The following TMSB15A variants were observed in gnomAD, a reference collection of about 807,000 sequenced individuals.
The protein encoded by TMSB15A is thymosin beta-15A.
In TMSB15A, 1 loss-of-function variant was observed where a neutral mutation model predicts 3.2. The ratio of observed to expected loss-of-function variants is 0.32; its 90% CI spans 0.11 to 1.50. TMSB15A has a LOEUF of 1.50. Among genes scored for constraint, TMSB15A ranks in the 40% most tolerant of loss-of-function variants. TMSB15A has a pLI of 0.39. For synonymous variants in TMSB15A, 10 were observed against 11.2 expected, an observed-to-expected ratio of 0.90 and a Z score of 0.21; for missense variants, 22 against 27.8, an observed-to-expected ratio of 0.79 and a Z score of 0.47.
chrX:102,515,615 T>C (rs1327133423), intron 1 of TMSB15A, among the ~76,000 whole-genome samples: 1 of 110,666 alleles, frequency 9.0e-6, no homozygotes, highest in Non-Finnish European at 1.9e-5. Flanking sequence ...TTTTGTTTTT[T>C]GGCATTTTTT....
chrX:102,513,959 G>A lies in TMSB15A; in HGVS notation c.*128C>T. On this transcript the variant is annotated 3_prime_UTR_variant, in exon 3 of 3. Coordinates refer to ENST00000289373, the MANE Select transcript of TMSB15A (RefSeq NM_021992.3). ...TGGCTACCTCTGACTTCTTAGCCAG[G>A]GAACATAGGTGAGAAGATATCCGAA... 1.4e-6 allele frequency: 1 copy of A among 736,754 alleles called. No individual in the cohort carries two copies. Among genetic ancestry groups the A allele is most frequent in the Non-Finnish European group, 2.1e-6 (1 of 485,773 alleles). 60.7% of individuals were successfully genotyped at this position (736,754 alleles called of 1,213,427 possible).
intron 1 of TMSB15A, among the ~76,000 whole-genome samples, chrX:102,515,470 A>G (rs1934883986): frequency 8.9e-6 from 1 of 111,916 alleles, no homozygotes. Context: ...AAATCACAGC[A>G]AGGGTAAAAT....
chrX:102,514,448 G>A (rs1556403294), intron 2 of TMSB15A, among the ~76,000 whole-genome samples: 1 of 111,965 alleles, frequency 8.9e-6, no homozygotes, highest in Non-Finnish European at 1.9e-5. Context: ...TATACAACTA[G>A]GAAGTTATAC....
intron 1 of TMSB15A, among the ~76,000 whole-genome samples, chrX:102,516,349 A>G (rs1934894636): frequency 1.8e-5 from 2 of 113,019 alleles, no homozygotes; most frequent in African/African-American, 6.4e-5. Context: ...GGCGGCCTCC[A>G]AACTCCTCAT....
In TMSB15A at chrX:102,513,942, T is replaced by G; in HGVS notation, c.*145A>C. 1.6e-6 allele frequency: 1 copy of G among 640,532 alleles called. No homozygotes were observed. The highest frequency in any genetic ancestry group is 2.5e-6 in the Non-Finnish European group (1 of 400,266). The allele number at this position is 640,532 out of a possible 1,213,427, so 52.8% of individuals were successfully genotyped here. A position where few individuals can be genotyped will look rare whatever the true frequency, so the allele number is the denominator to read the frequency against. On this transcript the variant is annotated 3_prime_UTR_variant, in exon 3 of 3. Coordinates refer to ENST00000289373, the MANE Select transcript of TMSB15A (RefSeq NM_021992.3). Reference sequence around the variant, plus strand: ...TGAATTTAAGGAAACATTGGCTACCTCTGACTTCTTAGCCAGGGAACATAG... The same window carrying G: ...TGAATTTAAGGAAACATTGGCTACCGCTGACTTCTTAGCCAGGGAACATAG...
chrX:102,516,060 G>T (rs968215356), intron 1 of TMSB15A, among the ~76,000 whole-genome samples: 4 of 110,185 alleles, frequency 3.6e-5, no homozygotes, highest in Admixed American at 2.9e-4. Flanking sequence ...CTAGTGCTTG[G>T]GGTAGAATGG....
chrX:102,516,147 G>T (rs1556403679), intron 1 of TMSB15A, among the ~76,000 whole-genome samples: 1 of 111,809 alleles, frequency 8.9e-6, no homozygotes, highest in Admixed American at 9.4e-5. Flanking sequence ...CCTCTGCCAA[G>T]CCATTAGACG....
Position 102,513,826 on chromosome X carries a change from T to G in TMSB15A, c.*261A>C, listed in dbSNP as rs1170639477. On this transcript the variant is annotated 3_prime_UTR_variant, in exon 3 of 3. Transcript: ENST00000289373. ...TAAAACAGGCTTATCCAGTATAGGA[T>G]GCAAGAACTACATACACAAAGGTCA... 3 of 386,964 alleles carry G rather than the reference T, an allele frequency of 7.8e-6. No individual in the cohort carries two copies. The highest frequency in any genetic ancestry group is 7.6e-5 in the African/African-American group (3 of 39,681). The allele number at this position is 386,964 out of a possible 1,213,427, so 31.9% of individuals were successfully genotyped here. A position where few individuals can be genotyped will look rare whatever the true frequency, so the allele number is the denominator to read the frequency against.
intron 1 of TMSB15A, among the ~76,000 whole-genome samples, chrX:102,516,338 G>A (rs1468339518): frequency 8.8e-6 from 1 of 113,028 alleles, no homozygotes; most frequent in Non-Finnish European, 1.9e-5. Context: ...GGCCCATTCC[G>A]GGCGGCCTCC....
rs146559442 is a variant in TMSB15A at position 102,515,870 on chromosome X, G to A, written c.-17-690C>T. Among the ~76,000 whole-genome samples the A allele has an allele frequency of 3.8e-4, 43 of 111,774 alleles. 1 individual carries two copies. Among genetic ancestry groups the A allele is most frequent in the Admixed American group, 3.1e-3 (33 of 10,620 alleles). The stretch of plus-strand genomic sequence containing the variant: ...AGTCTTGTTTCACCATGTTTTCTCT[G>A]CAAAGAGAGAGGTAAAGAGATGAGG... On this transcript the variant is annotated intron_variant, in intron 1 of 2. Coordinates refer to ENST00000289373, the MANE Select transcript of TMSB15A (RefSeq NM_021992.3).
rs1934867352 is a variant in TMSB15A, at chrX:102,513,894, T to A, written c.*193A>T. On this transcript the variant is annotated 3_prime_UTR_variant, in exon 3 of 3. Transcript: ENST00000289373. ...GACAGCATCTGCCATCTGGAACATA[T>A]GCACCAATGGTAAGTTTAAAAATGA... is the stretch of plus-strand genomic sequence containing the variant. 1 of 482,521 alleles carries A rather than the reference T, an allele frequency of 2.1e-6. No homozygotes were observed. 39.8% of individuals were successfully genotyped at this position (482,521 alleles called of 1,213,427 possible). A position where few individuals can be genotyped will look rare whatever the true frequency, so the allele number is the denominator to read the frequency against.
At chrX:102,515,710 C>T (rs1934888325) in intron 1 of TMSB15A, among the ~76,000 whole-genome samples, 1 of 110,049 alleles carries the variant, frequency 9.1e-6, no homozygotes, top group Admixed American at 9.6e-5. Flanking sequence ...CCAAAGATGA[C>T]AGTACATTAA....
intron 1 of TMSB15A, among the ~76,000 whole-genome samples, chrX:102,515,751 C>A (rs1216422594): frequency 1.8e-5 from 2 of 111,156 alleles, no homozygotes; most frequent in Non-Finnish European, 3.8e-5. Flanking sequence ...ATAATAGCTC[C>A]TTGTGGCATT....
intron 2 of TMSB15A, 37 bp downstream of exon 2, chrX:102,515,027 C>A (rs1556403388): frequency 8.4e-7 from 1 of 1,194,673 alleles, no homozygotes; most frequent in Non-Finnish European, 1.1e-6. Flanking sequence ...TTAACTTTCT[C>A]TACTGTGTGT....
intron 2 of TMSB15A, 87 bp from the exon 3 acceptor site, chrX:102,514,211 G>T: frequency 9.4e-7 from 1 of 1,067,491 alleles, no homozygotes; most frequent in South Asian, 1.9e-5. Context: ...CTAAGTCATC[G>T]AAGTCTGCAT....
At chrX:102,514,778 C>A (rs1934875974) in intron 2 of TMSB15A, among the ~76,000 whole-genome samples, 1 of 111,958 alleles carries the variant, frequency 8.9e-6, no homozygotes, top group African/African-American at 3.2e-5. Flanking sequence ...TAAGATTTTT[C>A]TAGTGCTAAA....
Position 102,514,079 on chromosome X carries a change from T to C in TMSB15A, c.*8A>G, listed in dbSNP as rs1556403219. The C allele has an allele frequency of 2.5e-6, 3 of 1,211,051 alleles. No homozygotes were observed. The East Asian group carries it at 8.9e-5, about 36-fold the overall frequency. On this transcript the variant is annotated 3_prime_UTR_variant, in exon 3 of 3. Coordinates refer to ENST00000289373, the MANE Select transcript of TMSB15A (RefSeq NM_021992.3). The stretch of plus-strand genomic sequence containing the variant: ...GTCGAAATCTGCTGTTGGGAGGCGA[T>C]CCCCATTTTATGATGTTTGAACACA...
intron 1 of TMSB15A, among the ~76,000 whole-genome samples, chrX:102,516,465 G>A (rs1934896345): frequency 8.9e-6 from 1 of 112,579 alleles, no homozygotes; most frequent in African/African-American, 3.2e-5. Context: ...GCCCCCAGGA[G>A]GGCTCGGCAT....
chrX:102,513,988 G>A lies in TMSB15A; in HGVS notation c.*99C>T, dbSNP rs145701865. On this transcript the variant is annotated 3_prime_UTR_variant, in exon 3 of 3. Transcript: ENST00000289373. ...CATAGGTGAGAAGATATCCGAAGAC[G>A]CCTAAAATCTCTACAAACACATGGG... is the stretch of plus-strand genomic sequence containing the variant. 4.9e-4 allele frequency: 475 copies of A among 961,025 alleles called. 3 individuals are homozygous for A. The East Asian group carries it at 0.013, about 27-fold the overall frequency. 79.2% of individuals were successfully genotyped at this position (961,025 alleles called of 1,213,427 possible).
Sources: gnomAD v4.1 joint callset for allele counts (sites outside exome capture counted in the v4.1 genomes callset) on GRCh38, gnomAD v4.1.1 for gene constraint, MANE v1.5 for transcripts, NCBI Gene and HGNC (gene_info 2026-07-23, HGNC 2026-07-21) for gene names.